Variants in MGAM2 observed in about 807,000 individuals in gnomAD.
The protein encoded by MGAM2 is probable maltase-glucoamylase 2.
MGAM2 carries 98 observed loss-of-function variants against 96.1 expected under a neutral mutation model. That is an observed-to-expected ratio of 1.02 (90% confidence interval 0.87 to 1.21). The LOEUF (loss-of-function observed/expected upper bound fraction) is 1.21, where lower values mean the gene tolerates loss of function less well. Among genes scored for constraint, MGAM2 ranks in the 50% most tolerant of loss-of-function variants. The pLI, the probability that MGAM2 is intolerant of heterozygous loss-of-function variation, is 0.00. For missense variants in MGAM2, 2,055 were observed against 1,182.4 expected (o/e 1.74, Z -10.82); for synonymous variants, 749 against 414.8 (o/e 1.81, Z -9.79).
At chr7:142,157,419 G>A (rs1795766107) in intron 17 of MGAM2, among the ~76,000 whole-genome samples, 1 of 148,966 alleles carries the variant, frequency 6.7e-6, no homozygotes, top group Non-Finnish European at 1.5e-5. Flanking sequence ...TTGAGACAGA[G>A]TCTCATTCTG....
chr7:142,192,417 A>G (rs2129098380), intron 37 of MGAM2, among the ~76,000 whole-genome samples: 1 of 152,312 alleles, frequency 6.6e-6, no homozygotes. Context: ...TTACCTTGGA[A>G]GAGTACAAGG....
At chr7:142,156,815 C>T (rs761492007) in intron 17 of MGAM2, among the ~76,000 whole-genome samples, 14 of 152,234 alleles carry the variant, frequency 9.2e-5, no homozygotes, top group Middle Eastern at 3.4e-3. Context: ...GTCTCAGTAA[C>T]GCAGTATAGG....
chr7:142,178,889 C>G (rs757296481), intron 32 of MGAM2, among the ~76,000 whole-genome samples: 3 of 152,020 alleles, frequency 2.0e-5, no homozygotes, highest in Non-Finnish European at 4.4e-5. Flanking sequence ...TTAATTCTTC[C>G]AGTCCATGAG....
chr7:142,153,041 G>A (rs58592838), intron 15 of MGAM2, among the ~76,000 whole-genome samples: 4,041 of 148,340 alleles, frequency 0.027, 170 homozygotes, highest in African/African-American at 0.095. Flanking sequence ...TGTCGCCCAG[G>A]CTGGAGTGCA....
In MGAM2 at chr7:142,172,766, T is replaced by C. The variant is rs1338519747; in HGVS notation, c.3561+2T>C. 1 of 696,444 alleles carries C rather than the reference T, an allele frequency of 1.4e-6. No individual in the cohort carries two copies. The highest frequency in any genetic ancestry group is 2.7e-5 in the East Asian group (1 of 37,216). 43.1% of individuals were successfully genotyped at this position (696,444 alleles called of 1,614,324 possible). On this transcript the variant is annotated splice_donor_variant, in intron 30 of 47. Transcript: ENST00000477922. LOFTEE classifies it high-confidence loss of function. ...CTTGTAACTCAGCAATACACAGAGG[T>C]TAGAAGCCATTCTGTCCATCAATAT...
chr7:142,146,242 A>G (rs1458924668), intron 14 of MGAM2, among the ~76,000 whole-genome samples: 2 of 138,912 alleles, frequency 1.4e-5, no homozygotes, highest in African/African-American at 5.5e-5. Flanking sequence ...CCTCAATCCT[A>G]TCACTTTCTG....
chr7:142,140,170 A>C (rs73158438), intron 10 of MGAM2, among the ~76,000 whole-genome samples: 31,434 of 152,064 alleles, frequency 0.21, 3,502 homozygotes, highest in South Asian at 0.26. Flanking sequence ...CCTGTCCCCA[A>C]AGCCCTCATC....
At chr7:142,214,760 C>T (rs906602016) in intron 46 of MGAM2, among the ~76,000 whole-genome samples, 2 of 152,188 alleles carry the variant, frequency 1.3e-5, no homozygotes, top group African/African-American at 2.4e-5. Flanking sequence ...GATATCATCT[C>T]ATGCCAGTTA....
chr7:142,156,284 T>C (rs1795734899), intron 17 of MGAM2, among the ~76,000 whole-genome samples: 1 of 152,226 alleles, frequency 6.6e-6, no homozygotes. Flanking sequence ...CTGTGTTTAA[T>C]ACAAAATATT....
chr7:142,118,666 T>C (rs916833437), intron 2 of MGAM2, among the ~76,000 whole-genome samples: 2 of 152,152 alleles, frequency 1.3e-5, no homozygotes, highest in Non-Finnish European at 2.9e-5. Flanking sequence ...GCCAATAATA[T>C]CTTCCTGATA....
intron 46 of MGAM2, among the ~76,000 whole-genome samples, chr7:142,211,650 T>C (rs950934952): frequency 2.0e-5 from 3 of 151,888 alleles, no homozygotes; most frequent in African/African-American, 7.3e-5. Context: ...GAAAAAAGAA[T>C]GAAAAGGAAC....
Position 142,187,734 on chromosome 7 carries a change from T to G in MGAM2, c.4123-16T>G. 2.8e-6 allele frequency: 2 copies of G among 702,252 alleles called. No homozygotes were observed. The highest frequency in any genetic ancestry group is 2.6e-6 in the Non-Finnish European group (1 of 384,438). 43.5% of individuals were successfully genotyped at this position (702,252 alleles called of 1,614,324 possible). On this transcript the variant is annotated splice_polypyrimidine_tract_variant and intron_variant, in intron 35 of 47. Coordinates refer to ENST00000477922, the MANE Select transcript of MGAM2 (RefSeq NM_001293626.2). ...CCCCTGACATGACGAGATCTTTTTT[T>G]GTTAACTCATTTCAGGATATGAATG...
intron 44 of MGAM2, among the ~76,000 whole-genome samples, 183 bp downstream of exon 44, chr7:142,198,922 T>A (rs1486874095): frequency 1.3e-5 from 2 of 152,230 alleles, no homozygotes; most frequent in East Asian, 3.9e-4. Context: ...TTCATAAAGT[T>A]AGTCTTAGGG....
intron 17 of MGAM2, among the ~76,000 whole-genome samples, chr7:142,155,971 C>G (rs953361723): frequency 3.9e-5 from 6 of 152,114 alleles, no homozygotes; most frequent in African/African-American, 1.4e-4. Flanking sequence ...CATGGAGAAA[C>G]TCTATCTCTA....
chr7:142,195,345 CTTTTTTTTTTTTTTTTTTT>C (rs1013124747), intron 37 of MGAM2, among the ~76,000 whole-genome samples: 13 of 70,008 alleles, frequency 1.9e-4, no homozygotes, highest in Non-Finnish European at 2.9e-4. Context: ...CCTTTTTACT[CTTTTTTTTTTTTTTTTTTT>C]TTTTTTTTTG....
intron 4 of MGAM2, 134 bp from the exon 5 acceptor site, chr7:142,131,384 G>C (rs13224159): frequency 1.6e-6 from 1 of 611,814 alleles, no homozygotes; most frequent in African/African-American, 1.8e-5. Flanking sequence ...GTTGCAGTGA[G>C]CCGAGATCAC....
At position 142,131,633 on chromosome 7, in the gene MGAM2, T is replaced by A. The variant is rs752106170; in HGVS notation, c.420+6T>A. 1.4e-6 allele frequency: 1 copy of A among 703,084 alleles called. No homozygotes were observed. 43.6% of individuals were successfully genotyped at this position (703,084 alleles called of 1,614,324 possible). A position where few individuals can be genotyped will look rare whatever the true frequency, so the allele number is the denominator to read the frequency against. ...CCAATCGGTTTCATTTTAAGGTTGG[T>A]TTGGGAGTGACTGCTAAATACATTT... On this transcript the variant is annotated splice_donor_region_variant and intron_variant, in intron 5 of 47. Transcript: ENST00000477922.
chr7:142,204,184 T>C (rs1797327931), intron 45 of MGAM2, among the ~76,000 whole-genome samples: 1 of 152,052 alleles, frequency 6.6e-6, no homozygotes, highest in Non-Finnish European at 1.5e-5. Flanking sequence ...ATTTTTGGCG[T>C]ATAGTTCTTG....
At position 142,187,790 on chromosome 7, in the gene MGAM2, G is replaced by T; in HGVS notation, c.4163G>T (p.Arg1388Met). 1 of 702,744 alleles carries T rather than the reference G, an allele frequency of 1.4e-6. No individual in the cohort carries two copies. The highest frequency in any genetic ancestry group is 1.5e-5 in the South Asian group (1 of 67,576). The allele number at this position is 702,744 out of a possible 1,614,324, so 43.5% of individuals were successfully genotyped here. A position where few individuals can be genotyped will look rare whatever the true frequency, so the allele number is the denominator to read the frequency against. ...EPSNFVDGSV[R>M]GCSNEMLNNP... ...TCAAATTTTGTGGATGGATCTGTCA[G>T]GGGCTGCAGCAATGAAATGCTAAAT... Residue 1388 changes from arginine (R) to methionine (M), a missense_variant, in exon 36 of 48, where the codon AGG (arginine) becomes ATG (methionine). Physicochemically the swap from Arg to Met is moderately conservative, Grantham distance 91. Coordinates refer to ENST00000477922, the MANE Select transcript of MGAM2 (RefSeq NM_001293626.2).
Sources: gnomAD v4.1 joint callset for allele counts (sites outside exome capture counted in the v4.1 genomes callset) on GRCh38, gnomAD v4.1.1 for gene constraint, MANE v1.5 for transcripts, NCBI Gene and HGNC (gene_info 2026-07-23, HGNC 2026-07-21) for gene names.